Variants in TBC1D22A observed in about 807,000 individuals in gnomAD.
TBC1D22A encodes the protein putative GTPase activator.
Under a neutral mutation model 60.2 loss-of-function variants are expected in TBC1D22A, and 38 were observed. The observed-to-expected ratio is 0.63, with a 90% CI of 0.49 to 0.83. The LOEUF (loss-of-function observed/expected upper bound fraction) is 0.83. TBC1D22A is among the 40% of genes least tolerant of loss of function. The pLI is 0.00. For synonymous variants in TBC1D22A, 302 were observed against 281.7 expected (o/e 1.07, Z -0.72); for missense variants, 628 against 701.0 (o/e 0.90, Z 1.18).
At chr22:47,092,032 G>A (rs2064998232) in intron 11 of TBC1D22A, among the ~76,000 whole-genome samples, 1 of 152,186 alleles carries the variant, frequency 6.6e-6, no homozygotes, top group African/African-American at 2.4e-5. Flanking sequence ...TGGAAGCTGA[G>A]GCAGGGACTT....
chr22:47,110,518 T>C (rs991769255), intron 11 of TBC1D22A, among the ~76,000 whole-genome samples: 2 of 152,172 alleles, frequency 1.3e-5, no homozygotes, highest in African/African-American at 2.4e-5. Flanking sequence ...TTTTTCTCTT[T>C]GGATGTTTGC....
chr22:47,001,084 C>A (rs28419547), intron 10 of TBC1D22A, among the ~76,000 whole-genome samples: 12,066 of 151,934 alleles, frequency 0.079, 1,185 homozygotes, highest in African/African-American at 0.23. Context: ...TGAGAAATGC[C>A]CATACAGTTT....
chr22:47,061,361 T>C (rs1358076776), intron 11 of TBC1D22A, among the ~76,000 whole-genome samples: 1 of 152,070 alleles, frequency 6.6e-6, no homozygotes, highest in Admixed American at 6.5e-5. Context: ...CTCTTCCTCC[T>C]CCCCTCACTC....
At chr22:46,772,753 TCTC>T (rs1313920527) in intron 1 of TBC1D22A, among the ~76,000 whole-genome samples, 1 of 151,238 alleles carries the variant, frequency 6.6e-6, no homozygotes, top group Non-Finnish European at 1.5e-5. Flanking sequence ...TTCAAGCTAT[TCTC>T]CTGCTTCAGC....
intron 11 of TBC1D22A, among the ~76,000 whole-genome samples, chr22:47,049,325 AAAG>A (rs1603168789): frequency 6.6e-6 from 1 of 152,234 alleles, no homozygotes; most frequent in East Asian, 1.9e-4. Flanking sequence ...GAAGTGTGGG[AAAG>A]AAGAAGCGGG....
intron 11 of TBC1D22A, among the ~76,000 whole-genome samples, chr22:47,065,245 G>A (rs539483281): frequency 3.9e-5 from 6 of 152,320 alleles, no homozygotes; most frequent in Non-Finnish European, 5.9e-5. Context: ...ATCCGCCCAC[G>A]TTGGCCTCCC....
chr22:46,831,450 G>T (rs1289795092), intron 4 of TBC1D22A, among the ~76,000 whole-genome samples: 1 of 152,190 alleles, frequency 6.6e-6, no homozygotes, highest in Non-Finnish European at 1.5e-5. Flanking sequence ...CACGTGGCTT[G>T]TGTGTTCCTT....
At chr22:46,770,602 T>G (rs1281798169) in intron 1 of TBC1D22A, among the ~76,000 whole-genome samples, 1 of 152,176 alleles carries the variant, frequency 6.6e-6, no homozygotes, top group Non-Finnish European at 1.5e-5. Context: ...TTGGGGGTGG[T>G]CACTGGGTAA....
chr22:46,814,592 C>G (rs568290877), intron 4 of TBC1D22A, among the ~76,000 whole-genome samples: 1 of 152,100 alleles, frequency 6.6e-6, no homozygotes, highest in Non-Finnish European at 1.5e-5. Flanking sequence ...TTCCTTTTCA[C>G]GTAGACTTGA....
chr22:47,048,628 G>A lies in TBC1D22A; in HGVS notation c.1329+11430G>A, dbSNP rs1017644657. Reference sequence around the variant, plus strand: ...AGTTCCCTGAGGCCAGGCCTCTCCCGCCAGCTCCTGTCCCTCTCTCCTTTC... The same window carrying A: ...AGTTCCCTGAGGCCAGGCCTCTCCCACCAGCTCCTGTCCCTCTCTCCTTTC... On this transcript the variant is annotated intron_variant, in intron 11 of 12. Coordinates refer to ENST00000337137, the MANE Select transcript of TBC1D22A (RefSeq NM_014346.5). 3.3e-5 allele frequency among the ~76,000 whole-genome samples: 5 copies of A among 152,190 alleles called. No homozygotes were observed. The South Asian group carries it at 1.0e-3, about 32-fold the overall frequency.
At chr22:47,131,966 A>C (rs986567702) in intron 12 of TBC1D22A, among the ~76,000 whole-genome samples, 1 of 152,200 alleles carries the variant, frequency 6.6e-6, no homozygotes, top group Admixed American at 6.5e-5. Flanking sequence ...AGGCCAGTTT[A>C]GATTTTCTCC....
chr22:46,913,275 T>TC, intron 8 of TBC1D22A: 1 of 1,285,598 alleles, frequency 7.8e-7, no homozygotes, highest in Non-Finnish European at 1.0e-6. Context: ...CCTGGTTTTG[T>TC]CTTCCTGCAA....
rs555363349 is a variant in TBC1D22A, at chr22:46,809,236, T to A, written c.637+11616T>A. On this transcript the variant is annotated intron_variant, in intron 4 of 12. Coordinates refer to ENST00000337137, the MANE Select transcript of TBC1D22A (RefSeq NM_014346.5). ...TTTTTGCTGAGTTGTCACATGGCAT[T>A]TCTTCTGTGCATGTGTGGGGAGAGA... 2.1e-4 allele frequency among the ~76,000 whole-genome samples: 32 copies of A among 152,212 alleles called. 1 individual carries two copies. The South Asian group carries it at 6.6e-3, about 32-fold the overall frequency.
At chr22:46,855,803 T>C (rs909312593) in intron 4 of TBC1D22A, among the ~76,000 whole-genome samples, 5 of 152,360 alleles carry the variant, frequency 3.3e-5, no homozygotes, top group East Asian at 1.9e-4. Context: ...CTTTCTTCTA[T>C]GCTTCTGTGC....
At chr22:47,000,735 G>A (rs2148248827) in intron 10 of TBC1D22A, among the ~76,000 whole-genome samples, 1 of 152,050 alleles carries the variant, frequency 6.6e-6, no homozygotes, top group East Asian at 1.9e-4. Context: ...GAGAGTAGGA[G>A]GAACGTGCGT....
rs136119 is a variant in TBC1D22A at position 46,984,366 on chromosome 22, C to CAAAAAAAAAAAAAAAAAAAAAAAAAA, written c.1125+9982_1125+10007dup. On this transcript the variant is annotated intron_variant, in intron 9 of 12. Coordinates refer to ENST00000337137, the MANE Select transcript of TBC1D22A (RefSeq NM_014346.5). ...GGGGCGACAGAACCAGACTCCATCTCAAAAAAAAAAAAAAAAAAAAAAAAA... is the reference window on the plus strand; with the variant it reads ...GGGGCGACAGAACCAGACTCCATCTCAAAAAAAAAAAAAAAAAAAAAAAAAAAAAAAAAAAAAAAAAAAAAAAAAAA... Among the ~76,000 whole-genome samples the CAAAAAAAAAAAAAAAAAAAAAAAAAA allele has an allele frequency of 1.4e-4, 4 of 27,748 alleles. 1 individual carries two copies. The highest frequency in any genetic ancestry group is 2.9e-4 in the Non-Finnish European group (4 of 13,740). 18.2% of individuals were successfully genotyped at this position (27,748 alleles called of 152,430 possible).
At position 46,863,620 on chromosome 22, in the gene TBC1D22A, G is replaced by A. The variant is rs11913811; in HGVS notation, c.638-15033G>A. 9.0e-3 allele frequency among the ~76,000 whole-genome samples: 1,364 copies of A among 152,244 alleles called. 17 individuals are homozygous for A. The highest frequency in any genetic ancestry group is 0.031 in the African/African-American group (1,294 of 41,528). On this transcript the variant is annotated intron_variant, in intron 4 of 12. Coordinates refer to ENST00000337137, the MANE Select transcript of TBC1D22A (RefSeq NM_014346.5). ...TTGGTCATCGTGCTTATCCCAATTA[G>A]GATTTAATTAGAGCCCCATAATAGG...
intron 8 of TBC1D22A, among the ~76,000 whole-genome samples, chr22:46,966,453 C>T (rs73890516): frequency 0.026 from 3,946 of 152,302 alleles, 144 homozygotes; most frequent in African/African-American, 0.085. Context: ...CTTTTCTCCC[C>T]GTCCCACAGT....
intron 10 of TBC1D22A, among the ~76,000 whole-genome samples, chr22:47,023,687 C>G (rs1291723047): frequency 1.3e-5 from 2 of 152,242 alleles, no homozygotes; most frequent in African/African-American, 4.8e-5. Context: ...AGGGAGCAGC[C>G]TGTTTGGACT....
Sources: allele counts gnomAD v4.1 joint callset (sites outside exome capture counted in the v4.1 genomes callset), GRCh38; gene constraint gnomAD v4.1.1; transcripts MANE v1.5; gene names NCBI Gene and HGNC (gene_info 2026-07-23, HGNC 2026-07-21).